TMEM117: variants seen among roughly 807,000 people sequenced by gnomAD.
TMEM117 encodes the protein transmembrane protein 117.
TMEM117 carries 27 observed loss-of-function variants against 52.4 expected under a neutral mutation model. The observed-to-expected ratio is 0.51, with a 90% CI of 0.38 to 0.71. The LOEUF is 0.71. Among genes scored for constraint, TMEM117 ranks in the 30% least tolerant of loss-of-function variants. TMEM117 has a pLI of 0.00. For missense variants in TMEM117, 556 were observed against 630.5 expected (o/e 0.88, Z 1.26); for synonymous variants, 215 against 206.3 (o/e 1.04, Z -0.36).
chr12:43,809,707 G>A, the TMEM117 span, among the ~76,000 whole-genome samples: 1 of 152,136 alleles, frequency 6.6e-6, no homozygotes, highest in Non-Finnish European at 1.5e-5. Flanking sequence ...TGTGTTTTGT[G>A]TAACACGTCC....
chr12:44,387,970 A>G (rs1952113217), intron 7 of TMEM117, 56 bp from the exon 8 acceptor site: 1 of 1,453,974 alleles, frequency 6.9e-7, no homozygotes, highest in Admixed American at 2.1e-5. Context: ...ATTGTAGAAA[A>G]CCTTATTGCA....
chr12:43,972,605 G>T (rs1463933769), intron 3 of TMEM117, among the ~76,000 whole-genome samples: 1 of 152,114 alleles, frequency 6.6e-6, no homozygotes, highest in Non-Finnish European at 1.5e-5. Flanking sequence ...ACAGAGCGCT[G>T]ATTGGTCCAT....
At chr12:43,948,928 T>C (rs561766398) in intron 3 of TMEM117, among the ~76,000 whole-genome samples, 71 of 152,250 alleles carry the variant, frequency 4.7e-4, no homozygotes, top group African/African-American at 1.6e-3. Context: ...GGAGGTGACT[T>C]AGGCACTTGA....
the TMEM117 span, among the ~76,000 whole-genome samples, chr12:44,398,080 T>G: frequency 3.4e-5 from 5 of 147,338 alleles, no homozygotes; most frequent in African/African-American, 7.8e-5. Flanking sequence ...TGTGGGTGGT[T>G]GTTTTTTTTT....
intron 3 of TMEM117, among the ~76,000 whole-genome samples, chr12:44,044,016 G>T (rs183844587): frequency 1.3e-5 from 2 of 152,206 alleles, no homozygotes; most frequent in African/African-American, 4.8e-5. Flanking sequence ...GGAAATGCCT[G>T]CCCTCCCTTG....
At chr12:44,114,859 TGTGGAC>T (rs1226630709) in intron 3 of TMEM117, among the ~76,000 whole-genome samples, 1 of 152,216 alleles carries the variant, frequency 6.6e-6, no homozygotes, top group African/African-American at 2.4e-5. Context: ...ATTTCCTGTA[TGTGGAC>T]TCTATTCTAG....
intron 6 of TMEM117, among the ~76,000 whole-genome samples, chr12:44,336,110 G>T (rs555135614): frequency 1.3e-5 from 2 of 151,992 alleles, no homozygotes; most frequent in African/African-American, 4.8e-5. Flanking sequence ...TTCATAATTT[G>T]TTGCAGAATG....
intron 6 of TMEM117, among the ~76,000 whole-genome samples, chr12:44,315,657 T>C (rs1273278360): frequency 6.6e-6 from 1 of 152,172 alleles, no homozygotes; most frequent in African/African-American, 2.4e-5. Context: ...TGAGACTTGC[T>C]TTATGGCTGA....
rs572419745 is a variant in TMEM117, at chr12:44,385,478, GT to G, written c.899-2547del. 1.5e-3 allele frequency among the ~76,000 whole-genome samples: 234 copies of G among 152,286 alleles called. 1 individual carries two copies. Among genetic ancestry groups the G allele is most frequent in the Middle Eastern group, 0.014 (4 of 294 alleles). Reference sequence around the variant, plus strand: ...GAGCCAGGTATGGTGACTTGAGCTTGTAGTTCTAGCTACTTGGGAGGCTGAG... The same window carrying G: ...GAGCCAGGTATGGTGACTTGAGCTTGAGTTCTAGCTACTTGGGAGGCTGAG... On this transcript the variant is annotated intron_variant, in intron 7 of 7. Coordinates refer to ENST00000266534, the MANE Select transcript of TMEM117 (RefSeq NM_032256.3).
intron 3 of TMEM117, among the ~76,000 whole-genome samples, chr12:44,014,227 C>A (rs1401310228): frequency 1.3e-5 from 2 of 152,106 alleles, no homozygotes; most frequent in African/African-American, 2.4e-5. Context: ...GTTCCAGTCA[C>A]CCCACTGTGG....
At chr12:44,042,598 G>T (rs1946816714) in intron 3 of TMEM117, among the ~76,000 whole-genome samples, 1 of 152,054 alleles carries the variant, frequency 6.6e-6, no homozygotes, top group African/African-American at 2.4e-5. Flanking sequence ...GACTGGCCTA[G>T]CCTCCCAGCT....
At chr12:44,040,894 G>A (rs1349140794) in intron 3 of TMEM117, among the ~76,000 whole-genome samples, 2 of 151,972 alleles carry the variant, frequency 1.3e-5, no homozygotes, top group African/African-American at 4.8e-5. Flanking sequence ...ACTATATAAC[G>A]AAGATGTTCA....
chr12:44,218,523 A>G (rs528683184), intron 5 of TMEM117, among the ~76,000 whole-genome samples: 1 of 152,324 alleles, frequency 6.6e-6, no homozygotes, highest in Non-Finnish European at 1.5e-5. Context: ...CCCACAGCTA[A>G]CATCATACTC....
intron 3 of TMEM117, among the ~76,000 whole-genome samples, chr12:43,948,863 G>C (rs1945175959): frequency 6.6e-6 from 1 of 152,130 alleles, no homozygotes; most frequent in Admixed American, 6.5e-5. Flanking sequence ...AATGCAGAAG[G>C]ATCTGAAAAC....
chr12:43,956,087 A>C (rs2074586132), intron 3 of TMEM117, among the ~76,000 whole-genome samples: 1 of 152,214 alleles, frequency 6.6e-6, no homozygotes, highest in Non-Finnish European at 1.5e-5. Flanking sequence ...CTTGGTAGCT[A>C]TATGCAGAAA....
At chr12:44,035,264 G>T (rs1946692811) in intron 3 of TMEM117, among the ~76,000 whole-genome samples, 1 of 152,296 alleles carries the variant, frequency 6.6e-6, no homozygotes. Context: ...TAGACATTTT[G>T]AGAAATCTGG....
intron 4 of TMEM117, among the ~76,000 whole-genome samples, chr12:44,206,493 A>C (rs1424232370): frequency 6.6e-6 from 1 of 152,162 alleles, no homozygotes; most frequent in Non-Finnish European, 1.5e-5. Context: ...AAATTGTTGT[A>C]CCATAAAGAC....
chr12:44,024,951 A>C (rs2137846129), intron 3 of TMEM117, among the ~76,000 whole-genome samples: 1 of 152,244 alleles, frequency 6.6e-6, no homozygotes, highest in South Asian at 2.1e-4. Flanking sequence ...TCCTAAGTGT[A>C]GGAAGGTTGG....
chr12:43,856,236 C>T (rs1438754885), intron 2 of TMEM117, among the ~76,000 whole-genome samples: 1 of 152,086 alleles, frequency 6.6e-6, no homozygotes, highest in Admixed American at 6.5e-5. Flanking sequence ...AGCTTTGCCC[C>T]CTCAAAATGT....
Sources: allele counts gnomAD v4.1 joint callset (sites outside exome capture counted in the v4.1 genomes callset), GRCh38; gene constraint gnomAD v4.1.1; transcripts MANE v1.5; gene names NCBI Gene and HGNC (gene_info 2026-07-23, HGNC 2026-07-21).